The following GABRB1 variants were observed in gnomAD, a reference collection of about 807,000 sequenced individuals.
The protein encoded by GABRB1 is gamma-aminobutyric acid receptor subunit beta-1.
A neutral mutation model predicts 51.6 loss-of-function variants in GABRB1; 17 were observed. The observed-to-expected ratio is 0.33, with a 90% CI of 0.23 to 0.49. The LOEUF is 0.49. GABRB1 is among the 20% of genes least tolerant of loss of function. The pLI, the probability that GABRB1 is intolerant of heterozygous loss-of-function variation, is 0.99. For synonymous variants in GABRB1, 247 were observed against 218.9 expected, an observed-to-expected ratio of 1.13 and a Z score of -1.14; for missense variants, 410 against 600.6, an observed-to-expected ratio of 0.68 and a Z score of 3.32.
chr4:47,256,029 T>A (rs1722184930), intron 4 of GABRB1, among the ~76,000 whole-genome samples: 1 of 152,170 alleles, frequency 6.6e-6, no homozygotes, highest in African/African-American at 2.4e-5. Flanking sequence ...TTTAGAAGGA[T>A]CAGTGCCACA....
intron 5 of GABRB1, among the ~76,000 whole-genome samples, chr4:47,388,657 G>A (rs887376643): frequency 6.6e-6 from 1 of 152,164 alleles, no homozygotes; most frequent in African/African-American, 2.4e-5. Flanking sequence ...AAAGAAGACA[G>A]ATAACCCAAA....
At position 47,378,377 on chromosome 4, in the gene GABRB1, C is replaced by G. The variant is rs548139513; in HGVS notation, c.545-24941C>G. Among the ~76,000 whole-genome samples, 24 of 152,322 alleles carry G rather than the reference C, an allele frequency of 1.6e-4. 1 individual carries two copies. The South Asian group carries it at 4.6e-3, about 29-fold the overall frequency. ...GGGGCTTGCCAAGCCCACACCCACC[C>G]GGAACTCGTGCTGGCCCGCAAGCAC... On this transcript the variant is annotated intron_variant, in intron 5 of 8. Coordinates refer to ENST00000295454, the MANE Select transcript of GABRB1 (RefSeq NM_000812.4).
intron 5 of GABRB1, among the ~76,000 whole-genome samples, chr4:47,392,720 C>T (rs1728043911): frequency 6.6e-6 from 1 of 152,160 alleles, no homozygotes; most frequent in South Asian, 2.1e-4. Context: ...GCAGGAAGCC[C>T]AGCCCCAGCA....
At chr4:47,413,930 G>T (rs1728837293) in intron 8 of GABRB1, among the ~76,000 whole-genome samples, 1 of 152,180 alleles carries the variant, frequency 6.6e-6, no homozygotes, top group African/African-American at 2.4e-5. Flanking sequence ...AATAGAGATG[G>T]TATTTAGAGT....
chr4:47,109,583 A>G (rs1288210569), intron 3 of GABRB1, among the ~76,000 whole-genome samples: 2 of 152,046 alleles, frequency 1.3e-5, no homozygotes, highest in African/African-American at 4.8e-5. Context: ...GGTGGCGGCC[A>G]TGTGTAAGGC....
In GABRB1 at chr4:47,374,766, C is replaced by A. The variant is rs1225138291; in HGVS notation, c.545-28552C>A. On this transcript the variant is annotated intron_variant, in intron 5 of 8. Coordinates refer to ENST00000295454, the MANE Select transcript of GABRB1 (RefSeq NM_000812.4). Reference sequence around the variant, plus strand: ...ACTGCTGAAGGCAAGTTTTTTTTTCCCCACAGAGTGTATGCAAGATCTGTA... The same window carrying A: ...ACTGCTGAAGGCAAGTTTTTTTTTCACCACAGAGTGTATGCAAGATCTGTA... Among the ~76,000 whole-genome samples the A allele has an allele frequency of 4.6e-5, 7 of 152,072 alleles. No individual in the cohort carries two copies. In the East Asian group the frequency reaches 1.4e-3, roughly 29 times the overall value.
chr4:47,137,376 G>T (rs1716714432), intron 3 of GABRB1, among the ~76,000 whole-genome samples: 1 of 152,034 alleles, frequency 6.6e-6, no homozygotes, highest in African/African-American at 2.4e-5. Context: ...CCACTTAGAG[G>T]ATTGAGGACA....
chr4:47,025,877 T>C (rs1725073789), intron 1 of GABRB1, among the ~76,000 whole-genome samples: 1 of 152,012 alleles, frequency 6.6e-6, no homozygotes, highest in Non-Finnish European at 1.5e-5. Context: ...CCTTTACTAC[T>C]TCCGTTTTTT....
At chr4:47,010,747 C>T (rs552837785) in intron 1 of GABRB1, among the ~76,000 whole-genome samples, 4 of 152,328 alleles carry the variant, frequency 2.6e-5, no homozygotes, top group African/African-American at 9.6e-5. Flanking sequence ...TTAGCTGTTT[C>T]ACTTTTGGAA....
intron 1 of GABRB1, among the ~76,000 whole-genome samples, chr4:47,006,524 T>C (rs1025033209): frequency 2.4e-4 from 36 of 152,228 alleles, no homozygotes; most frequent in Admixed American, 4.6e-4. Context: ...TCAAATTGCT[T>C]CACTTGCATT....
At chr4:47,346,511 G>A (rs920492411) in intron 5 of GABRB1, among the ~76,000 whole-genome samples, 3 of 150,608 alleles carry the variant, frequency 2.0e-5, no homozygotes, top group African/African-American at 4.8e-5. Flanking sequence ...TGGTAATAAG[G>A]CATCTGGTAA....
In GABRB1 at chr4:47,406,664, T is replaced by C; in HGVS notation, c.836-18T>C. The C allele has an allele frequency of 6.2e-7, 1 of 1,613,872 alleles. No individual in the cohort carries two copies. The highest frequency in any genetic ancestry group is 1.1e-5 in the South Asian group (1 of 91,064). On this transcript the variant is annotated intron_variant, in intron 7 of 8. Transcript: ENST00000295454. Reference sequence around the variant, plus strand: ...AATAGTGGCACCTTCAGCTAAGTGTTGTCTTTCTCTTTCACAGGAATCACG... The same window carrying C: ...AATAGTGGCACCTTCAGCTAAGTGTCGTCTTTCTCTTTCACAGGAATCACG...
chr4:47,141,373 T>A (rs963869736), intron 3 of GABRB1, among the ~76,000 whole-genome samples: 5 of 151,948 alleles, frequency 3.3e-5, no homozygotes, highest in Non-Finnish European at 7.4e-5. Context: ...ATAATTATAA[T>A]TTCTTTATTG....
intron 4 of GABRB1, among the ~76,000 whole-genome samples, chr4:47,168,685 G>A (rs1316147534): frequency 4.6e-5 from 7 of 152,128 alleles, no homozygotes; most frequent in Non-Finnish European, 7.4e-5. Context: ...TATTGACAGC[G>A]TGATCTATCC....
At chr4:47,293,224 C>A (rs144259540) in intron 4 of GABRB1, among the ~76,000 whole-genome samples, 3 of 152,156 alleles carry the variant, frequency 2.0e-5, no homozygotes, top group Non-Finnish European at 4.4e-5. Flanking sequence ...TCACCACAAC[C>A]TCCGCCTCCC....
At chr4:47,380,629 T>G (rs1229915856) in intron 5 of GABRB1, among the ~76,000 whole-genome samples, 2 of 152,186 alleles carry the variant, frequency 1.3e-5, no homozygotes, top group African/African-American at 4.8e-5. Context: ...AAAATGGAAA[T>G]TCTTTGAAGA....
chr4:47,269,144 A>G (rs887729095), intron 4 of GABRB1, among the ~76,000 whole-genome samples: 1 of 152,098 alleles, frequency 6.6e-6, no homozygotes, highest in African/African-American at 2.4e-5. Flanking sequence ...TTTTTTATTC[A>G]TTTGCATCAG....
intron 4 of GABRB1, among the ~76,000 whole-genome samples, chr4:47,248,395 T>C (rs1000672002): frequency 6.6e-6 from 1 of 152,140 alleles, no homozygotes; most frequent in Non-Finnish European, 1.5e-5. Flanking sequence ...GATTATCTTT[T>C]TGATATGTTA....
intron 4 of GABRB1, among the ~76,000 whole-genome samples, chr4:47,284,758 T>A (rs1723443809): frequency 6.6e-6 from 1 of 152,060 alleles, no homozygotes; most frequent in Non-Finnish European, 1.5e-5. Context: ...CCCTAAAGAG[T>A]GGACTGTGCA....
Sources: allele counts gnomAD v4.1 joint callset (sites outside exome capture counted in the v4.1 genomes callset), GRCh38; gene constraint gnomAD v4.1.1; transcripts MANE v1.5; gene names NCBI Gene and HGNC (gene_info 2026-07-23, HGNC 2026-07-21).